The following ABR variants were observed in gnomAD, a reference collection of about 807,000 sequenced individuals.
The protein encoded by ABR is active breakpoint cluster region-related protein.
Under a neutral mutation model 107.2 loss-of-function variants are expected in ABR, and 35 were observed. The observed-to-expected ratio is 0.33, with a 90% CI of 0.25 to 0.43. The LOEUF is 0.43. Ranked by LOEUF, ABR falls within the 20% of genes least tolerant of loss-of-function variation. The probability of loss-of-function intolerance (pLI) is 1.00; values close to 1 mark genes in which losing one functional copy is unlikely to be tolerated. For synonymous variants in ABR, 498 were observed against 462.0 expected, an observed-to-expected ratio of 1.08 and a Z score of -1.00; for missense variants, 815 against 1,115.2, an observed-to-expected ratio of 0.73 and a Z score of 3.83.
intron 1 of ABR, among the ~76,000 whole-genome samples, chr17:1,195,165 G>T (rs1191110649): frequency 1.3e-5 from 2 of 148,542 alleles, no homozygotes; most frequent in African/African-American, 4.9e-5. Flanking sequence ...AAATTAGCCG[G>T]GCGCAGTGGC....
At chr17:1,199,859 T>A (rs2042639447) in intron 1 of ABR, among the ~76,000 whole-genome samples, 1 of 151,958 alleles carries the variant, frequency 6.6e-6, no homozygotes, top group South Asian at 2.1e-4. Flanking sequence ...ATGTGACCCA[T>A]AAAATACACC....
At chr17:1,132,352 T>C (rs1044787401) in intron 1 of ABR, among the ~76,000 whole-genome samples, 3 of 150,746 alleles carry the variant, frequency 2.0e-5, no homozygotes, top group African/African-American at 7.3e-5. Context: ...CTACATATTA[T>C]GATAATACTT....
At chr17:1,121,684 G>A (rs2039358760) in intron 2 of ABR, among the ~76,000 whole-genome samples, 1 of 149,134 alleles carries the variant, frequency 6.7e-6, no homozygotes, top group African/African-American at 2.5e-5. Flanking sequence ...AGTCCCCCAG[G>A]CAGGGCTCTG....
chr17:1,067,719 C>T (rs2034868051), intron 9 of ABR, among the ~76,000 whole-genome samples: 2 of 152,172 alleles, frequency 1.3e-5, no homozygotes, highest in South Asian at 4.1e-4. Context: ...TACAAAGCCA[C>T]ATCCAAGTCT....
Position 1,050,504 on chromosome 17 carries a change from G to C in ABR, c.1659+33C>G, listed in dbSNP as rs1194085699. ...CAAGCCACGAGCACGGGGTGGTGGGGTCCCCACAGAGATGCCAGCCCCTGC... is the reference window on the plus strand; with the variant it reads ...CAAGCCACGAGCACGGGGTGGTGGGCTCCCCACAGAGATGCCAGCCCCTGC... On this transcript the variant is annotated intron_variant, in intron 15 of 22. Transcript: ENST00000302538. The surrounding 1 kb of genome is among the most constrained non-coding windows in gnomAD (Gnocchi z 4.6). 1 of 1,591,270 alleles carries C rather than the reference G, an allele frequency of 6.3e-7. No individual in the cohort carries two copies. Among genetic ancestry groups the C allele is most frequent in the African/African-American group, 1.3e-5 (1 of 74,344 alleles).
chr17:1,207,337 A>G (rs2042807719), intron 1 of ABR, among the ~76,000 whole-genome samples: 2 of 152,044 alleles, frequency 1.3e-5, no homozygotes, highest in Admixed American at 6.6e-5. Context: ...TAATTTTACA[A>G]TATCTATTTG....
chr17:1,134,880 G>T (rs2039988961), intron 1 of ABR, among the ~76,000 whole-genome samples: 1 of 152,240 alleles, frequency 6.6e-6, no homozygotes, highest in Non-Finnish European at 1.5e-5. Context: ...GCTACTAAAT[G>T]GATACGGGTT....
chr17:1,108,991 G>A (rs1381871646), intron 2 of ABR: 5 of 1,598,182 alleles, frequency 3.1e-6, no homozygotes, highest in Non-Finnish European at 4.3e-6. Context: ...TTCCCAGCTC[G>A]CACTCCTCCA....
Position 1,004,786 on chromosome 17 carries a change from T to C in ABR, c.*1294A>G. The C allele has an allele frequency of 2.8e-6, 1 of 361,560 alleles. No homozygotes were observed. The allele number at this position is 361,560 out of a possible 1,614,324, so 22.4% of individuals were successfully genotyped here. A position where few individuals can be genotyped will look rare whatever the true frequency, so the allele number is the denominator to read the frequency against. On this transcript the variant is annotated 3_prime_UTR_variant, in exon 23 of 23. Coordinates refer to ENST00000302538, the MANE Select transcript of ABR (RefSeq NM_021962.5). ...CCACAACTTCTGGAGTTCCCAGTGT[T>C]TACCCAAAAGGCTGTATCCAGAAGC... is the stretch of plus-strand genomic sequence containing the variant.
chr17:1,147,983 C>A (rs12453408), intron 1 of ABR, among the ~76,000 whole-genome samples: 2 of 152,158 alleles, frequency 1.3e-5, no homozygotes, highest in African/African-American at 4.8e-5. Context: ...AAGCTGGCAC[C>A]TGAGGGCCAC....
At chr17:1,102,619 G>A (rs955773054) in intron 2 of ABR, among the ~76,000 whole-genome samples, 2 of 152,250 alleles carry the variant, frequency 1.3e-5, no homozygotes, top group Non-Finnish European at 2.9e-5. Context: ...GCAGTCCTGG[G>A]CCGTATGGCC....
rs1278180194 is a variant in ABR at position 1,078,959 on chromosome 17, G to T, written c.700+371C>A. ...ACTCAGCCACCTTGCTGATGCTGCCGCACGGACTCCAGCATCGGGCAGCCG... is the reference window on the plus strand; with the variant it reads ...ACTCAGCCACCTTGCTGATGCTGCCTCACGGACTCCAGCATCGGGCAGCCG... On this transcript the variant is annotated intron_variant, in intron 6 of 22. Coordinates refer to ENST00000302538, the MANE Select transcript of ABR (RefSeq NM_021962.5). This position sits in a 1 kb window ranked among gnomAD's most constrained non-coding sequence, Gnocchi z 7.5. The T allele has an allele frequency of 2.0e-6, 3 of 1,511,834 alleles. No homozygotes were observed. In the East Asian group the frequency reaches 7.5e-5, roughly 38 times the overall value. The allele number at this position is 1,511,834 out of a possible 1,614,324, so 93.7% of individuals were successfully genotyped here. A position where few individuals can be genotyped will look rare whatever the true frequency, so the allele number is the denominator to read the frequency against.
intron 1 of ABR, among the ~76,000 whole-genome samples, chr17:1,173,580 C>T (rs1015439862): frequency 1.6e-4 from 25 of 152,148 alleles, no homozygotes; most frequent in Admixed American, 1.2e-3. Context: ...GACTCCACTA[C>T]GAGCGAGTAC....
rs191116738 is a variant in ABR, at chr17:1,006,140, G to C, written c.2520C>G (p.His840Gln). The change falls in exon 23 of 23, where the codon CAC (histidine) becomes CAG (glutamine). Residue 840 changes from histidine to glutamine, a missense_variant. Around this residue, in one of 5 missense-constraint regions of ABR, gnomAD observed 34 missense variants for 26.8 expected, o/e 1.27. Coordinates refer to ENST00000302538, the MANE Select transcript of ABR (RefSeq NM_021962.5). The part of the protein sequence containing the change: ...QVQVLLYYLQ[H>Q]PPISFAELKR... ...TGAGTTCTGCGAAGGAAATGGGGGG[G>C]TGCTGCAGGTAGTAGAGGAGGACCT... 16 of 1,587,242 alleles carry C rather than the reference G, an allele frequency of 1.0e-5. No individual in the cohort carries two copies. The highest frequency in any genetic ancestry group is 1.4e-5 in the Non-Finnish European group (16 of 1,166,482).
chr17:1,124,379 C>A (rs759052229), intron 2 of ABR, among the ~76,000 whole-genome samples: 48 of 152,280 alleles, frequency 3.2e-4, no homozygotes, highest in Non-Finnish European at 6.8e-4. Flanking sequence ...TGGGGCACTC[C>A]CACCGCCTCC....
At chr17:1,207,328 A>T (rs1362216348) in intron 1 of ABR, among the ~76,000 whole-genome samples, 1 of 152,112 alleles carries the variant, frequency 6.6e-6, no homozygotes, top group Admixed American at 6.6e-5. Flanking sequence ...TCTGAAGGAT[A>T]ATTTTACAAT....
At chr17:1,102,343 T>C (rs1374837678) in intron 2 of ABR, among the ~76,000 whole-genome samples, 2 of 152,106 alleles carry the variant, frequency 1.3e-5, no homozygotes, top group South Asian at 2.1e-4. Context: ...GCTTGGAAGA[T>C]GCTACACTGG....
intron 1 of ABR, among the ~76,000 whole-genome samples, chr17:1,134,335 C>T (rs1337907704): frequency 6.6e-6 from 1 of 152,080 alleles, no homozygotes; most frequent in East Asian, 1.9e-4. Context: ...TCACTTGAAC[C>T]CAGGAGGCAG....
intron 16 of ABR, among the ~76,000 whole-genome samples, chr17:1,042,185 G>A (rs1412309199): frequency 6.6e-6 from 1 of 151,826 alleles, no homozygotes; most frequent in African/African-American, 2.4e-5. Context: ...CGGACAGACG[G>A]ATAAACAGAC....
Sources: gnomAD v4.1 joint callset for allele counts (sites outside exome capture counted in the v4.1 genomes callset) on GRCh38, gnomAD v4.1.1 for gene constraint, gnomAD v4.1.1 regional missense constraint, Gnocchi (gnomAD v3.1) non-coding constraint, MANE v1.5 for transcripts, NCBI Gene and HGNC (gene_info 2026-07-23, HGNC 2026-07-21) for gene names.